EVI5: variants seen among roughly 807,000 people sequenced by gnomAD.
The protein encoded by EVI5 is ecotropic viral integration site 5 protein homolog.
EVI5 carries 73 observed loss-of-function variants against 112.0 expected under a neutral mutation model. The observed-to-expected ratio is 0.65, with a 90% confidence interval of 0.54 to 0.79. The LOEUF is 0.79. Ranked by LOEUF, EVI5 falls within the 30% of genes least tolerant of loss-of-function variation. EVI5 has a pLI of 0.00. For missense variants in EVI5, 900 were observed against 968.8 expected (o/e 0.93, Z 0.94); for synonymous variants, 305 against 319.9 (o/e 0.95, Z 0.50).
chr1:92,582,120 T>G (rs1672037132), intron 18 of EVI5, among the ~76,000 whole-genome samples: 1 of 152,198 alleles, frequency 6.6e-6, no homozygotes, highest in Admixed American at 6.5e-5. Flanking sequence ...TAGCCTACTG[T>G]TCCTGGGCTA....
At chr1:92,585,440 G>A (rs1672624913) in intron 18 of EVI5, among the ~76,000 whole-genome samples, 1 of 152,108 alleles carries the variant, frequency 6.6e-6, no homozygotes, top group Admixed American at 6.5e-5. Context: ...AGTACGCTGT[G>A]ATTGCACCAC....
chr1:92,678,056 C>A (rs533833508), intron 9 of EVI5, among the ~76,000 whole-genome samples: 1 of 152,010 alleles, frequency 6.6e-6, no homozygotes, highest in Non-Finnish European at 1.5e-5. Flanking sequence ...TAATAGAAGG[C>A]GAAGGCAGGG....
chr1:92,787,259 CAG>C (rs1685708876), upstream of EVI5, among the ~76,000 whole-genome samples: 1 of 152,138 alleles, frequency 6.6e-6, no homozygotes, highest in African/African-American at 2.4e-5. Context: ...CATTTGGAAT[CAG>C]AATCTAAAAA....
chr1:92,648,407 A>T (rs1661421743), intron 13 of EVI5, among the ~76,000 whole-genome samples: 1 of 151,680 alleles, frequency 6.6e-6, no homozygotes, highest in Non-Finnish European at 1.5e-5. Context: ...AAAAAATAAA[A>T]AAAATAAAGT....
intron 14 of EVI5, among the ~76,000 whole-genome samples, chr1:92,628,381 T>C (rs958265283): frequency 6.6e-6 from 1 of 152,252 alleles, no homozygotes; most frequent in Non-Finnish European, 1.5e-5. Context: ...TTTTGGGTTC[T>C]TGGTCATGAA....
intron 18 of EVI5, among the ~76,000 whole-genome samples, chr1:92,595,006 G>A (rs1024746367): frequency 5.9e-5 from 9 of 152,170 alleles, no homozygotes; most frequent in African/African-American, 2.2e-4. Flanking sequence ...AGTCAGTGTG[G>A]CGATTCCTCA....
At chr1:92,559,687 T>C (rs1668216270) in intron 19 of EVI5, among the ~76,000 whole-genome samples, 1 of 149,308 alleles carries the variant, frequency 6.7e-6, no homozygotes, top group African/African-American at 2.5e-5. Flanking sequence ...GGCAGGAGAA[T>C]TGCTTGAACC....
intron 1 of EVI5, among the ~76,000 whole-genome samples, chr1:92,758,732 A>G (rs1171601527): frequency 6.6e-6 from 1 of 152,180 alleles, no homozygotes; most frequent in Non-Finnish European, 1.5e-5. Context: ...ATTAAAATAA[A>G]GGTTATGTCA....
intron 15 of EVI5, 124 bp from the exon 16 acceptor site, chr1:92,624,458 C>T (rs1427982333): frequency 5.3e-6 from 4 of 754,688 alleles, no homozygotes; most frequent in Non-Finnish European, 8.7e-6. Flanking sequence ...TTTATTTAAT[C>T]CCTAGAAAAT....
At chr1:92,645,804 T>C (rs1447910822) in intron 13 of EVI5, among the ~76,000 whole-genome samples, 1 of 152,202 alleles carries the variant, frequency 6.6e-6, no homozygotes. Context: ...CTCTTATATC[T>C]AAATCCCCTT....
chr1:92,549,384 C>T lies in EVI5; in HGVS notation c.2166+14258G>A, dbSNP rs1666388276. On this transcript the variant is annotated intron_variant, in intron 19 of 19. Coordinates refer to ENST00000684568, the MANE Select transcript of EVI5 (RefSeq NM_001350197.2). ...AAAGACTTAAATGTTAGACCTAAAA[C>T]TATAAAAACCCTAGAAGAAAACCTA... 2.6e-5 allele frequency among the ~76,000 whole-genome samples: 4 copies of T among 152,050 alleles called. No homozygotes were observed. The South Asian group carries it at 8.3e-4, about 32-fold the overall frequency.
At chr1:92,789,146 C>T (rs1411730298), upstream of EVI5, among the ~76,000 whole-genome samples, 1 of 152,142 alleles carries the variant, frequency 6.6e-6, no homozygotes, top group African/African-American at 2.4e-5. Context: ...ATACATTACT[C>T]ATCTACTAGA....
At chr1:92,658,073 T>C (rs1013447001) in intron 13 of EVI5, among the ~76,000 whole-genome samples, 1 of 152,136 alleles carries the variant, frequency 6.6e-6, no homozygotes, top group African/African-American at 2.4e-5. Flanking sequence ...ATCATAGGCA[T>C]TGAAGGAATA....
chr1:92,526,100 C>A (rs566061687), intron 19 of EVI5, among the ~76,000 whole-genome samples: 2 of 152,280 alleles, frequency 1.3e-5, no homozygotes, highest in South Asian at 4.1e-4. Context: ...CCTGTGTCAT[C>A]CAGGTTGGAG....
chr1:92,690,410 G>A (rs939843032), intron 9 of EVI5, among the ~76,000 whole-genome samples: 6 of 150,172 alleles, frequency 4.0e-5, no homozygotes, highest in Admixed American at 1.3e-4. Flanking sequence ...GTACAGTGAC[G>A]CAATCACAGT....
rs922744401 is a variant in EVI5 at position 92,530,776 on chromosome 1, C to G, written c.2167-16806G>C. On this transcript the variant is annotated intron_variant, in intron 19 of 19. Transcript: ENST00000684568. ...AGGACATCCACTCAGAGACCCCAGC[C>G]AAAGGTCACCAACTTCAAAGACCAA... 1.3e-4 allele frequency among the ~76,000 whole-genome samples: 19 copies of G among 151,876 alleles called. 1 individual carries two copies. Among genetic ancestry groups the G allele is most frequent in the Admixed American group, 3.9e-4 (6 of 15,252 alleles).
chr1:92,688,341 C>T (rs142803129), intron 9 of EVI5, among the ~76,000 whole-genome samples: 3 of 152,094 alleles, frequency 2.0e-5, no homozygotes, highest in Admixed American at 1.3e-4. Context: ...AAAACCTGTA[C>T]GTTGTGCACA....
intron 18 of EVI5, among the ~76,000 whole-genome samples, chr1:92,593,148 G>C (rs961782654): frequency 2.0e-5 from 3 of 152,152 alleles, no homozygotes; most frequent in Non-Finnish European, 4.4e-5. Context: ...TGTCCCTGAT[G>C]AACATCGATG....
At chr1:92,541,119 TAA>T (rs1281779884) in intron 19 of EVI5, among the ~76,000 whole-genome samples, 1 of 152,086 alleles carries the variant, frequency 6.6e-6, no homozygotes, top group Non-Finnish European at 1.5e-5. Context: ...GCTTAATCTA[TAA>T]AGTCAACCAC....
Sources: allele counts gnomAD v4.1 joint callset (sites outside exome capture counted in the v4.1 genomes callset), GRCh38; gene constraint gnomAD v4.1.1; transcripts MANE v1.5; gene names NCBI Gene and HGNC (gene_info 2026-07-23, HGNC 2026-07-21).